Variants in GFPT1 observed in about 807,000 individuals in gnomAD.
The protein encoded by GFPT1 is glutamine--fructose-6-phosphate transaminase 1.
Under a neutral mutation model 92.0 loss-of-function variants are expected in GFPT1, and 40 were observed. That is an observed-to-expected ratio of 0.43 (90% CI 0.34 to 0.57). The LOEUF (loss-of-function observed/expected upper bound fraction) is 0.57. Ranked by LOEUF, GFPT1 falls within the 20% of genes least tolerant of loss-of-function variation. GFPT1 has a pLI of 0.02. For missense variants in GFPT1, 448 were observed against 869.1 expected (o/e 0.52, Z 6.09); for synonymous variants, 269 against 280.6 (o/e 0.96, Z 0.41).
In GFPT1 at chr2:69,386,573, G is replaced by A. The variant is rs147088047; in HGVS notation, c.7+492C>T. ...AAGTATCACGTTTAATGGCACTACC[G>A]TGGCTCTAGCTAGGGTCTGTTTTCT... On this transcript the variant is annotated intron_variant, in intron 1 of 19. Transcript: ENST00000357308. Among the ~76,000 whole-genome samples the A allele has an allele frequency of 1.6e-4, 24 of 152,312 alleles. 1 individual carries two copies. The East Asian group carries it at 3.9e-3, about 24-fold the overall frequency.
chr2:69,353,125 G>A (rs774528451), intron 9 of GFPT1, among the ~76,000 whole-genome samples: 4 of 152,180 alleles, frequency 2.6e-5, no homozygotes, highest in Non-Finnish European at 4.4e-5. Context: ...GCTGGGCACA[G>A]TGGCTCACAC....
chr2:69,375,513 C>A (rs1026287425), intron 1 of GFPT1, among the ~76,000 whole-genome samples: 1 of 152,056 alleles, frequency 6.6e-6, no homozygotes, highest in South Asian at 2.1e-4. Context: ...AATTATTATG[C>A]CCTAAAAAAG....
chr2:69,370,758 A>T (rs1190916934), intron 2 of GFPT1, among the ~76,000 whole-genome samples: 1 of 152,186 alleles, frequency 6.6e-6, no homozygotes, highest in Non-Finnish European at 1.5e-5. Context: ...GAACTGACTG[A>T]ATGTAAGTGA....
chr2:69,370,716 A>G (rs530085541), intron 2 of GFPT1, among the ~76,000 whole-genome samples: 1 of 152,350 alleles, frequency 6.6e-6, no homozygotes, highest in East Asian at 1.9e-4. Context: ...AACAGTGGTA[A>G]TGCAGACAGA....
intron 1 of GFPT1, among the ~76,000 whole-genome samples, chr2:69,376,014 T>C (rs1277417153): frequency 2.0e-5 from 3 of 152,240 alleles, no homozygotes; most frequent in Admixed American, 6.5e-5. Flanking sequence ...GGGGTTTTTG[T>C]TGCTACTGCT....
rs1276108988 is a variant in GFPT1 at position 69,323,324 on chromosome 2, T to C, written c.*2865A>G. 1 of 152,216 alleles carries C rather than the reference T, an allele frequency of 6.6e-6. No individual in the cohort carries two copies. Among genetic ancestry groups the C allele is most frequent in the Non-Finnish European group, 1.5e-5 (1 of 68,040 alleles). 9.4% of individuals were successfully genotyped at this position (152,216 alleles called of 1,614,324 possible). ...GATTCTTTATGTAGAGTATCTTTTT[T>C]GAAAAATCAGATTTTCTTATCCTAT... On this transcript the variant is annotated 3_prime_UTR_variant, in exon 20 of 20. Transcript: ENST00000357308.
chr2:69,326,683 C>G (rs1017725018), intron 19 of GFPT1, among the ~76,000 whole-genome samples: 1 of 152,194 alleles, frequency 6.6e-6, no homozygotes, highest in Non-Finnish European at 1.5e-5. Flanking sequence ...CAGGTGGAGA[C>G]TACCCAAGGT....
intron 18 of GFPT1, 65 bp from the exon 19 acceptor site, chr2:69,327,140 G>T: frequency 6.8e-7 from 1 of 1,472,096 alleles, no homozygotes; most frequent in Non-Finnish European, 9.5e-7. Flanking sequence ...TATAGCTTAC[G>T]AATGTGCAAA....
intron 19 of GFPT1, 123 bp downstream of exon 19, chr2:69,326,791 C>T: frequency 1.1e-6 from 1 of 941,722 alleles, no homozygotes; most frequent in Non-Finnish European, 1.7e-6. Context: ...GAAAATATAA[C>T]AGGTGACAGA....
chr2:69,353,631 T>C (rs907839072), intron 9 of GFPT1, among the ~76,000 whole-genome samples: 2 of 151,434 alleles, frequency 1.3e-5, no homozygotes, highest in Admixed American at 6.6e-5. Context: ...GAGTTCGAAA[T>C]TGCAGTGAGG....
intron 1 of GFPT1, among the ~76,000 whole-genome samples, chr2:69,379,585 T>C (rs538506331): frequency 2.0e-5 from 3 of 152,268 alleles, no homozygotes; most frequent in South Asian, 2.1e-4. Context: ...TCGCCCAGGC[T>C]GGAGTACAGT....
Position 69,386,826 on chromosome 2 carries a change from A to G in GFPT1, c.7+239T>C, listed in dbSNP as rs6738707. 0.67 allele frequency among the ~76,000 whole-genome samples: 101,283 copies of G among 152,044 alleles called. 35,402 individuals are homozygous for G. Among genetic ancestry groups the G allele is most frequent in the African/African-American group, 0.9 (37,191 of 41,512 alleles). ...CCTTCTCCGCGCCAAGGCGCCCGCT[A>G]GCCCCCGGCAAAGGGGGCCCGCCTT... On this transcript the variant is annotated intron_variant, in intron 1 of 19. Transcript: ENST00000357308.
intron 15 of GFPT1, among the ~76,000 whole-genome samples, chr2:69,334,403 A>G (rs1476492850): frequency 2.6e-5 from 4 of 152,152 alleles, no homozygotes. Flanking sequence ...AGTCTGTACT[A>G]AAAAGATGCT....
chr2:69,381,555 A>T (rs1444318926), intron 1 of GFPT1, among the ~76,000 whole-genome samples: 2 of 149,742 alleles, frequency 1.3e-5, no homozygotes, highest in Non-Finnish European at 3.0e-5. Flanking sequence ...CCTACTTGTA[A>T]CTTTTTTTTT....
intron 4 of GFPT1, among the ~76,000 whole-genome samples, chr2:69,361,784 G>C (rs140510059): frequency 3.3e-5 from 5 of 152,160 alleles, no homozygotes; most frequent in Admixed American, 2.6e-4. Context: ...TTTGTAACCA[G>C]CCTGAGCAAC....
At chr2:69,333,313 T>C (rs975331397) in intron 15 of GFPT1, among the ~76,000 whole-genome samples, 6 of 152,256 alleles carry the variant, frequency 3.9e-5, no homozygotes, top group South Asian at 4.1e-4. Context: ...TACAAACTAG[T>C]GTTTATTTGT....
At chr2:69,350,957 T>G (rs1456530078) in intron 9 of GFPT1, among the ~76,000 whole-genome samples, 1 of 152,038 alleles carries the variant, frequency 6.6e-6, no homozygotes, top group Non-Finnish European at 1.5e-5. Context: ...AAATTAATTT[T>G]TATTGTATCA....
Position 69,363,619 on chromosome 2 carries a change from G to C in GFPT1, c.275C>G (p.Ala92Gly), listed in dbSNP as rs755890938. The C allele has an allele frequency of 1.2e-5, 20 of 1,609,248 alleles. No homozygotes were observed. The highest frequency in any genetic ancestry group is 1.7e-5 in the Non-Finnish European group (20 of 1,175,702). ...DIEFDVHLGI[A>G]HTRWATHGEP... is the part of the protein sequence containing the mutation. ...TCCATGTGTTGCCCAACGGGTATGAGCTATTCCAAGGTGTACATCAAATTC... is the reference window on the plus strand; with the variant it reads ...TCCATGTGTTGCCCAACGGGTATGACCTATTCCAAGGTGTACATCAAATTC... The change falls in exon 4 of 20, where the codon GCT (alanine) becomes GGT (glycine). Residue 92 changes from alanine to glycine, a missense_variant. Ala to Gly is a moderately conservative substitution (Grantham distance 60). Coordinates refer to ENST00000357308, the MANE Select transcript of GFPT1 (RefSeq NM_001244710.2).
At chr2:69,338,972 G>A (rs1164540745) in intron 13 of GFPT1, among the ~76,000 whole-genome samples, 1 of 152,080 alleles carries the variant, frequency 6.6e-6, no homozygotes, top group African/African-American at 2.4e-5. Flanking sequence ...GCTTAGTAGA[G>A]ATGGGGTTTC....
Sources: allele counts gnomAD v4.1 joint callset (sites outside exome capture counted in the v4.1 genomes callset), GRCh38; gene constraint gnomAD v4.1.1; transcripts MANE v1.5; gene names NCBI Gene and HGNC (gene_info 2026-07-23, HGNC 2026-07-21).